Variants in TMEM25 observed in about 807,000 individuals in gnomAD.
The protein encoded by TMEM25 is transmembrane protein 25.
Under a neutral mutation model 37.0 loss-of-function variants are expected in TMEM25, and 36 were observed. The observed-to-expected ratio is 0.97, with a 90% CI of 0.75 to 1.28. The LOEUF is 1.28. Among genes scored for constraint, TMEM25 ranks in the 50% most tolerant of loss-of-function variants. The pLI is 0.00. For synonymous variants in TMEM25, 197 were observed against 203.7 expected (o/e 0.97, Z 0.28); for missense variants, 444 against 477.9 (o/e 0.93, Z 0.66).
At chr11:118,545,719 G>A (rs1555066903) in intron 8 of TMEM25, 9 of 1,469,226 alleles carry the variant, frequency 6.1e-6, no homozygotes, top group Non-Finnish European at 7.6e-6. Context: ...TCTTCCCAGA[G>A]TAAACAAGCC....
downstream of TMEM25, among the ~76,000 whole-genome samples, chr11:118,538,459 G>A (rs888398573): frequency 3.9e-5 from 6 of 152,056 alleles, no homozygotes; most frequent in East Asian, 1.9e-4. Flanking sequence ...GAGCCACTGC[G>A]CCAGGCTTTG....
At position 118,535,133 on chromosome 11, in the gene TMEM25, C is replaced by T; in HGVS notation, c.*553C>T. 1 of 1,024,252 alleles carries T rather than the reference C, an allele frequency of 9.8e-7. No homozygotes were observed. Among genetic ancestry groups the T allele is most frequent in the African/African-American group, 1.7e-5 (1 of 58,648 alleles). The allele number at this position is 1,024,252 out of a possible 1,614,324, so 63.4% of individuals were successfully genotyped here. A position where few individuals can be genotyped will look rare whatever the true frequency, so the allele number is the denominator to read the frequency against. On this transcript the variant is annotated 3_prime_UTR_variant, in exon 9 of 9. Transcript: ENST00000313236. ...CCCTGACCCAGCGGTACCGGCCAAG[C>T]ACAAACGTCCTTTTTGCTGCACACG...
rs1555061679 is a variant in TMEM25, at chr11:118,534,123, T to C, written c.931T>C (p.Ser311Pro). 6.2e-7 allele frequency: 1 copy of C among 1,613,924 alleles called. No individual in the cohort carries two copies. Among genetic ancestry groups the C allele is most frequent in the African/African-American group, 1.3e-5 (1 of 74,888 alleles). ...NLQLNDLTPDSRAVKPADRQM... is the reference protein window; with the variant it reads ...NLQLNDLTPDPRAVKPADRQM... ...TCAGCTCAATGACCTCACTCCAGATTCCAGAGGTATATCTAGGGCCCTGCT... is the reference window on the plus strand; with the variant it reads ...TCAGCTCAATGACCTCACTCCAGATCCCAGAGGTATATCTAGGGCCCTGCT... The change falls in exon 7 of 9, where the codon TCC (serine) becomes CCC (proline). Residue 311 changes from serine (S) to proline (P), a missense_variant. Coordinates refer to ENST00000313236, the MANE Select transcript of TMEM25 (RefSeq NM_032780.4). This position sits in a 1 kb window ranked among gnomAD's most constrained non-coding sequence, Gnocchi z 4.6.
chr11:118,533,451 G>A lies in TMEM25; in HGVS notation c.705G>A (p.Leu235=). The change falls in exon 5 of 9, where the codon CTG becomes CTA. Residue 235 remains leucine (L), a synonymous_variant. Transcript: ENST00000313236. The stretch of plus-strand genomic sequence containing the variant: ...TGGCTACCCGGGTGGAAGTGCCACT[G>A]CTGGGCATTGTTGTGGCTGCTGGGC... ...GLLATRVEVP[L]LGIVVAAGLA... 6.2e-7 allele frequency: 1 copy of A among 1,614,132 alleles called. No homozygotes were observed. The highest frequency in any genetic ancestry group is 8.5e-7 in the Non-Finnish European group (1 of 1,180,022).
chr11:118,531,506 G>T, intron 1 of TMEM25: 3 of 539,980 alleles, frequency 5.6e-6, no homozygotes, highest in Non-Finnish European at 9.9e-6. Context: ...ACGGATGCTC[G>T]TTGCTTCTGC....
intron 8 of TMEM25, chr11:118,545,475 G>A: frequency 1.9e-6 from 3 of 1,613,450 alleles, no homozygotes; most frequent in Non-Finnish European, 2.5e-6. Flanking sequence ...GACTCTTGTA[G>A]ACAGGGATGT....
chr11:118,546,162 T>C (rs374379330), exon 9 of TMEM25: 397 of 718,204 alleles, frequency 5.5e-4, no homozygotes, highest in African/African-American at 3.2e-3. Context: ...GGGAAGACCA[T>C]GGGAAGACAC....
intron 8 of TMEM25, among the ~76,000 whole-genome samples, chr11:118,541,776 A>AAGAC (rs1951582318): frequency 6.6e-6 from 1 of 151,842 alleles, no homozygotes; most frequent in Non-Finnish European, 1.5e-5. Flanking sequence ...TATATGTTTT[A>AAGAC]AGACAGGGTC....
downstream of TMEM25, among the ~76,000 whole-genome samples, chr11:118,539,475 A>T (rs1166908174): frequency 6.6e-6 from 1 of 151,712 alleles, no homozygotes; most frequent in Non-Finnish European, 1.5e-5. Context: ...CAGGTCATAA[A>T]TTTTTTGCCT....
Position 118,533,497 on chromosome 11 carries a change from G to A in TMEM25, c.751G>A (p.Gly251Arg). 1 of 1,614,160 alleles carries A rather than the reference G, an allele frequency of 6.2e-7. No homozygotes were observed. Among genetic ancestry groups the A allele is most frequent in the Non-Finnish European group, 8.5e-7 (1 of 1,180,012 alleles). ...AAGLALGTLV[G>R]FSTLVACLVC... is the part of the protein sequence containing the mutation. ...TGGGCTTGCACTGGGCACCCTCGTG[G>A]GGTTCAGCACCTTGGTGGCCTGCCT... is the stretch of plus-strand genomic sequence containing the variant. The change falls in exon 5 of 9, where the codon GGG (glycine) becomes AGG (arginine). Residue 251 changes from glycine (G) to arginine (R), a missense_variant. Gly to Arg is a moderately radical substitution (Grantham distance 125). Transcript: ENST00000313236.
intron 8 of TMEM25, among the ~76,000 whole-genome samples, chr11:118,541,264 C>T (rs942953996): frequency 3.9e-4 from 60 of 152,026 alleles, no homozygotes; most frequent in African/African-American, 1.4e-3. Context: ...AGATCGAGAC[C>T]ATCCTGGCCA....
At position 118,534,375 on chromosome 11, in the gene TMEM25, C is replaced by A; in HGVS notation, c.1027+20C>A. ...GCCAAGGTACTGGGGAAGGGGCCTG[C>A]CACCCTCCTCCTCTGCCCCCCAGCC... On this transcript the variant is annotated intron_variant, in intron 8 of 8. Coordinates refer to ENST00000313236, the MANE Select transcript of TMEM25 (RefSeq NM_032780.4). This position sits in a 1 kb window ranked among gnomAD's most constrained non-coding sequence, Gnocchi z 4.6. 1 of 1,612,662 alleles carries A rather than the reference C, an allele frequency of 6.2e-7. No homozygotes were observed. Among genetic ancestry groups the A allele is most frequent in the Non-Finnish European group, 8.5e-7 (1 of 1,179,368 alleles).
chr11:118,535,469 A>G lies in TMEM25; in HGVS notation c.*889A>G. 1 of 1,507,494 alleles carries G rather than the reference A, an allele frequency of 6.6e-7. No individual in the cohort carries two copies. The highest frequency in any genetic ancestry group is 8.9e-7 in the Non-Finnish European group (1 of 1,128,190). 93.4% of individuals were successfully genotyped at this position (1,507,494 alleles called of 1,614,324 possible). A position where few individuals can be genotyped will look rare whatever the true frequency, so the allele number is the denominator to read the frequency against. Reference sequence around the variant, plus strand: ...GTTTGGCCTTCTGGGATTCACTGTGAGTGTCCTGAGCTCTCGGGGTTGATG... The same window carrying G: ...GTTTGGCCTTCTGGGATTCACTGTGGGTGTCCTGAGCTCTCGGGGTTGATG... On this transcript the variant is annotated 3_prime_UTR_variant, in exon 9 of 9. Transcript: ENST00000313236.
chr11:118,539,026 T>G (rs145182011), downstream of TMEM25, among the ~76,000 whole-genome samples: 3 of 152,238 alleles, frequency 2.0e-5, no homozygotes, highest in Non-Finnish European at 4.4e-5. Context: ...ATGAATAGTT[T>G]GTGAATATTT....
downstream of TMEM25, among the ~76,000 whole-genome samples, chr11:118,537,962 GAT>G (rs1475106559): frequency 6.6e-6 from 1 of 151,716 alleles, no homozygotes; most frequent in African/African-American, 2.4e-5. Context: ...GAGGCAAGAG[GAT>G]CACTTCAGCC....
chr11:118,547,083 T>C (rs1024108485), downstream of TMEM25: 3 of 152,202 alleles, frequency 2.0e-5, no homozygotes, highest in Admixed American at 2.0e-4. Context: ...ACTGAATGGA[T>C]GTACTGCAAC....
chr11:118,545,996 G>A (rs1951675133), intron 8 of TMEM25: 1 of 730,770 alleles, frequency 1.4e-6, no homozygotes, highest in South Asian at 1.5e-5. Context: ...CAGATATTGA[G>A]TTCCTAACTC....
downstream of TMEM25, among the ~76,000 whole-genome samples, chr11:118,537,709 C>T (rs141611835): frequency 5.8e-3 from 879 of 152,210 alleles, 5 homozygotes; most frequent in Non-Finnish European, 8.2e-3. Context: ...TTTGGAGATA[C>T]CCGGAAGTAG....
chr11:118,541,293 T>C (rs1555065294), intron 8 of TMEM25, among the ~76,000 whole-genome samples: 1 of 151,856 alleles, frequency 6.6e-6, no homozygotes, highest in Non-Finnish European at 1.5e-5. Context: ...AAACCCCGTC[T>C]CTACTAAAAA....
Sources: gnomAD v4.1 joint callset for allele counts (sites outside exome capture counted in the v4.1 genomes callset) on GRCh38, gnomAD v4.1.1 for gene constraint, Gnocchi (gnomAD v3.1) non-coding constraint, MANE v1.5 for transcripts, NCBI Gene and HGNC (gene_info 2026-07-23, HGNC 2026-07-21) for gene names.